Variants in DNER observed in about 807,000 individuals in gnomAD.
The protein encoded by DNER is delta/notch like EGF repeat containing.
A neutral mutation model predicts 78.2 loss-of-function variants in DNER; 33 were observed. The ratio of observed to expected loss-of-function variants is 0.42; its 90% CI spans 0.32 to 0.56. The LOEUF is 0.56. DNER is among the 20% of genes least tolerant of loss of function. The pLI is 0.11. For synonymous variants in DNER, 417 were observed against 384.8 expected, an observed-to-expected ratio of 1.08 and a Z score of -0.98; for missense variants, 918 against 975.3, an observed-to-expected ratio of 0.94 and a Z score of 0.78.
intron 1 of DNER, among the ~76,000 whole-genome samples, chr2:229,630,290 A>G (rs1331480104): frequency 6.6e-6 from 1 of 152,052 alleles, no homozygotes; most frequent in Non-Finnish European, 1.5e-5. Flanking sequence ...AGCCTGGCCA[A>G]CATGGCAAAA....
chr2:229,714,039 A>T, intron 1 of DNER, 109 bp downstream of exon 1: 1 of 1,088,810 alleles, frequency 9.2e-7, no homozygotes, highest in Non-Finnish European at 1.2e-6. Context: ...CCAAAGTGGG[A>T]AAGCCTGTGT....
intron 6 of DNER, among the ~76,000 whole-genome samples, chr2:229,505,696 A>G (rs1236409922): frequency 1.3e-5 from 2 of 152,244 alleles, no homozygotes; most frequent in Non-Finnish European, 1.5e-5. Context: ...GATTTTTCTC[A>G]CACATGGAAA....
chr2:229,563,712 C>A (rs1457071785), intron 4 of DNER, among the ~76,000 whole-genome samples: 2 of 148,456 alleles, frequency 1.3e-5, no homozygotes, highest in Non-Finnish European at 3.0e-5. Context: ...ATCCTCCTCA[C>A]CCCATCACCA....
At position 229,651,376 on chromosome 2, in the gene DNER, T is replaced by C. The variant is rs563438442; in HGVS notation, c.277-59488A>G. On this transcript the variant is annotated intron_variant, in intron 1 of 12. Transcript: ENST00000341772. ...GTAGACAGGAGGAAAGTCTTCTGAG[T>C]CGTCGATGTTTTCCTATGGTTCTCA... Among the ~76,000 whole-genome samples, 29 of 152,328 alleles carry C rather than the reference T, an allele frequency of 1.9e-4. No individual in the cohort carries two copies. In the South Asian group the frequency reaches 6.0e-3, roughly 32 times the overall value.
At chr2:229,455,631 C>T (rs970975199) in intron 7 of DNER, among the ~76,000 whole-genome samples, 1 of 152,020 alleles carries the variant, frequency 6.6e-6, no homozygotes, top group African/African-American at 2.4e-5. Flanking sequence ...TGCAGTGATG[C>T]TGGTGAACAG....
chr2:229,557,124 G>A (rs915583320), intron 4 of DNER, among the ~76,000 whole-genome samples: 1 of 152,192 alleles, frequency 6.6e-6, no homozygotes, highest in Non-Finnish European at 1.5e-5. Flanking sequence ...GCAGCAGGAA[G>A]AATCTGAAAT....
Position 229,677,675 on chromosome 2 carries a change from A to G in DNER, c.276+36473T>C, listed in dbSNP as rs529144087. On this transcript the variant is annotated intron_variant, in intron 1 of 12. Transcript: ENST00000341772. ...TTGTAATATTCAAAGAAAAGGTTCT[A>G]TGAAGCATGATGTAAGTTTCAAAGT... 2.6e-5 allele frequency among the ~76,000 whole-genome samples: 4 copies of G among 152,360 alleles called. No individual in the cohort carries two copies. The South Asian group carries it at 8.3e-4, about 32-fold the overall frequency.
intron 1 of DNER, among the ~76,000 whole-genome samples, chr2:229,713,407 C>T (rs1699938759): frequency 6.6e-6 from 1 of 152,230 alleles, no homozygotes; most frequent in Admixed American, 6.5e-5. Flanking sequence ...CGCTTTCTGG[C>T]GGCTTCCCGG....
chr2:229,373,283 G>A (rs1392954007), intron 11 of DNER, among the ~76,000 whole-genome samples: 4 of 152,138 alleles, frequency 2.6e-5, no homozygotes, highest in African/African-American at 4.8e-5. Context: ...AAAGTGGGCA[G>A]GAGATATGCA....
At chr2:229,685,322 A>G (rs139367596) in intron 1 of DNER, among the ~76,000 whole-genome samples, 25 of 148,158 alleles carry the variant, frequency 1.7e-4, no homozygotes, top group South Asian at 4.2e-4. Context: ...TATTTCTATC[A>G]TACTCTGAAT....
chr2:229,516,786 A>T (rs1695981546), intron 5 of DNER, among the ~76,000 whole-genome samples: 1 of 132,394 alleles, frequency 7.6e-6, no homozygotes, highest in Non-Finnish European at 1.6e-5. Context: ...CGCTGTCTCT[A>T]AAAAAAAAAA....
intron 1 of DNER, among the ~76,000 whole-genome samples, chr2:229,613,382 T>A (rs1200757322): frequency 6.6e-6 from 1 of 152,242 alleles, no homozygotes; most frequent in African/African-American, 2.4e-5. Context: ...AAATTTAATT[T>A]ATGAACAATA....
intron 5 of DNER, among the ~76,000 whole-genome samples, chr2:229,529,119 T>C (rs1696258321): frequency 1.3e-5 from 2 of 152,220 alleles, no homozygotes. Flanking sequence ...TCATTTATTT[T>C]AGCAACGTGA....
intron 7 of DNER, among the ~76,000 whole-genome samples, chr2:229,463,562 T>A (rs1400403209): frequency 6.6e-6 from 1 of 152,094 alleles, no homozygotes; most frequent in African/African-American, 2.4e-5. Context: ...TGCCTCAGCC[T>A]CCCGAGTAGC....
rs189787468 is a variant in DNER at position 229,711,545 on chromosome 2, A to T, written c.276+2603T>A. 2.2e-3 allele frequency among the ~76,000 whole-genome samples: 328 copies of T among 152,284 alleles called. 1 individual carries two copies. The highest frequency in any genetic ancestry group is 0.012 in the South Asian group (59 of 4,824). On this transcript the variant is annotated intron_variant, in intron 1 of 12. Transcript: ENST00000341772. The stretch of plus-strand genomic sequence containing the variant: ...AGAAAAGCTAAAGACATCCTTTTTT[A>T]AAAAAGCCTAAAGACAGCCATTTTA...
chr2:229,608,778 T>C (rs953030774), intron 1 of DNER, among the ~76,000 whole-genome samples: 3 of 152,172 alleles, frequency 2.0e-5, no homozygotes, highest in Middle Eastern at 3.2e-3. Context: ...GGGCTTTAAC[T>C]GTATTTGCCT....
chr2:229,454,074 G>T (rs1295080343), intron 7 of DNER, among the ~76,000 whole-genome samples: 1 of 152,094 alleles, frequency 6.6e-6, no homozygotes, highest in Non-Finnish European at 1.5e-5. Context: ...ATGAGAGACG[G>T]CATGGAGCAA....
chr2:229,495,611 C>A (rs531207585), intron 6 of DNER, among the ~76,000 whole-genome samples: 1 of 152,334 alleles, frequency 6.6e-6, no homozygotes, highest in East Asian at 1.9e-4. Context: ...AGGTCCTCAA[C>A]CTAGGCCCAC....
rs571481987 is a variant in DNER at position 229,456,103 on chromosome 2, T to G, written c.1262-8563A>C. Among the ~76,000 whole-genome samples the G allele has an allele frequency of 3.9e-5, 6 of 152,136 alleles. No individual in the cohort carries two copies. The South Asian group carries it at 1.2e-3, about 32-fold the overall frequency. On this transcript the variant is annotated intron_variant, in intron 7 of 12. Coordinates refer to ENST00000341772, the MANE Select transcript of DNER (RefSeq NM_139072.4). ...AAAAGAGGTTTAATTGGCTGACGGT[T>G]CTGCAGGCTGTACAGGAATCATGGT...
Sources: gnomAD v4.1 joint callset for allele counts (sites outside exome capture counted in the v4.1 genomes callset) on GRCh38, gnomAD v4.1.1 for gene constraint, MANE v1.5 for transcripts, NCBI Gene and HGNC (gene_info 2026-07-23, HGNC 2026-07-21) for gene names.